SGPP2: variants seen among roughly 807,000 people sequenced by gnomAD.
SGPP2 encodes the protein sphingosine-1-phosphate phosphatase 2, also known as sphingosine 1-phosphate phosphohydrolase 2.
Under a neutral mutation model 33.9 loss-of-function variants are expected in SGPP2, and 30 were observed. The observed-to-expected ratio is 0.89, with a 90% CI of 0.66 to 1.20. SGPP2 has a LOEUF of 1.20. Ranked by LOEUF, SGPP2 falls within the 50% of genes most tolerant of loss-of-function variation. The pLI, the probability that SGPP2 is intolerant of heterozygous loss-of-function variation, is 0.00. For synonymous variants in SGPP2, 233 were observed against 225.0 expected (o/e 1.04, Z -0.32); for missense variants, 458 against 532.1 (o/e 0.86, Z 1.37).
intron 4 of SGPP2, among the ~76,000 whole-genome samples, chr2:222,554,642 C>T (rs947998303): frequency 5.3e-5 from 8 of 152,124 alleles, no homozygotes; most frequent in African/African-American, 1.9e-4. Flanking sequence ...GTTTCATTAA[C>T]AGAACGTTAA....
Position 222,561,971 on chromosome 2 carries a change from C to G in SGPP2, c.*3073C>G, listed in dbSNP as rs2106163900. On this transcript the variant is annotated 3_prime_UTR_variant, in exon 5 of 5. Coordinates refer to ENST00000321276, the MANE Select transcript of SGPP2 (RefSeq NM_152386.4). Reference sequence around the variant, plus strand: ...GCCCCTTCAAAGGGTATGGTTCAGGCTCCTTTCAAGACATTTGGAGTTTCT... The same window carrying G: ...GCCCCTTCAAAGGGTATGGTTCAGGGTCCTTTCAAGACATTTGGAGTTTCT... 6.6e-6 allele frequency among the ~76,000 whole-genome samples: 1 copy of G among 152,322 alleles called. No individual in the cohort carries two copies. Among genetic ancestry groups the G allele is most frequent in the South Asian group, 2.1e-4 (1 of 4,826 alleles).
chr2:222,474,303 A>G (rs1027087665), intron 1 of SGPP2, among the ~76,000 whole-genome samples: 8 of 152,156 alleles, frequency 5.3e-5, no homozygotes, highest in Non-Finnish European at 1.2e-4. Flanking sequence ...ACAAGAAAAA[A>G]GTTTTTGGCT....
At chr2:222,555,445 GTTT>G (rs57228014) in intron 4 of SGPP2, among the ~76,000 whole-genome samples, 20,638 of 86,058 alleles carry the variant, frequency 0.24, 1,863 homozygotes, top group East Asian at 0.53. Flanking sequence ...TCTTTTATCC[GTTT>G]TTTTTTTTTT....
chr2:222,523,877 T>C (rs1174736893), intron 3 of SGPP2, among the ~76,000 whole-genome samples: 1 of 152,214 alleles, frequency 6.6e-6, no homozygotes, highest in Non-Finnish European at 1.5e-5. Context: ...AATTAAAATC[T>C]GAGACTTAGT....
chr2:222,511,102 G>GT (rs1460567535), intron 2 of SGPP2, among the ~76,000 whole-genome samples: 2 of 152,128 alleles, frequency 1.3e-5, no homozygotes, highest in Admixed American at 1.3e-4. Context: ...ATTTTTTACT[G>GT]TAATAACCAG....
intron 1 of SGPP2, among the ~76,000 whole-genome samples, chr2:222,448,189 C>G (rs1042787603): frequency 6.6e-6 from 1 of 152,116 alleles, no homozygotes; most frequent in African/African-American, 2.4e-5. Flanking sequence ...TCATGGGACT[C>G]GGTGAGAAGA....
chr2:222,458,205 T>G (rs1180609447), intron 1 of SGPP2, among the ~76,000 whole-genome samples: 1 of 147,514 alleles, frequency 6.8e-6, no homozygotes, highest in Non-Finnish European at 1.5e-5. Flanking sequence ...AGTGCCACCA[T>G]GCCTAGCTAT....
intron 4 of SGPP2, among the ~76,000 whole-genome samples, chr2:222,536,905 C>A (rs1698923986): frequency 6.6e-6 from 1 of 152,074 alleles, no homozygotes; most frequent in African/African-American, 2.4e-5. Context: ...ACTATAATTC[C>A]TTAGCTAACC....
At chr2:222,528,805 C>G (rs948407568) in intron 4 of SGPP2, among the ~76,000 whole-genome samples, 17 of 152,106 alleles carry the variant, frequency 1.1e-4, no homozygotes, top group African/African-American at 3.9e-4. Flanking sequence ...TTATTAGAGA[C>G]AGTGTCTCAC....
intron 4 of SGPP2, among the ~76,000 whole-genome samples, chr2:222,544,936 A>G (rs2106151340): frequency 6.6e-6 from 1 of 152,324 alleles, no homozygotes; most frequent in South Asian, 2.1e-4. Flanking sequence ...TTATAAAATA[A>G]TAAAGCTATT....
chr2:222,502,246 C>A (rs970941405), intron 2 of SGPP2, among the ~76,000 whole-genome samples: 1 of 152,142 alleles, frequency 6.6e-6, no homozygotes, highest in Non-Finnish European at 1.5e-5. Flanking sequence ...TAGATTTAAA[C>A]CATATCCCCT....
chr2:222,545,172 A>G (rs1049123563), intron 4 of SGPP2, among the ~76,000 whole-genome samples: 5 of 152,082 alleles, frequency 3.3e-5, no homozygotes, highest in Non-Finnish European at 7.4e-5. Flanking sequence ...ACTTGCATTT[A>G]TTATGATTTC....
At position 222,477,519 on chromosome 2, in the gene SGPP2, CTGTGTATATATGTGTATT is replaced by C. The variant is rs2106099274; in HGVS notation, c.378+2799_378+2816del. 6.6e-6 allele frequency among the ~76,000 whole-genome samples: 1 copy of C among 150,432 alleles called. No individual in the cohort carries two copies. The highest frequency in any genetic ancestry group is 2.4e-5 in the African/African-American group (1 of 40,852). ...TATATGTTTATGTGTATATATATGT[CTGTGTATATATGTGTATT>C]TGTGTTTATAGGTGTGTATATATGT... is the stretch of plus-strand genomic sequence containing the variant. On this transcript the variant is annotated intron_variant, in intron 2 of 4. Transcript: ENST00000321276. This position sits in a 1 kb window ranked among gnomAD's most constrained non-coding sequence, Gnocchi z 6.0.
At chr2:222,543,079 A>G (rs1422462569) in intron 4 of SGPP2, among the ~76,000 whole-genome samples, 1 of 152,158 alleles carries the variant, frequency 6.6e-6, no homozygotes, top group African/African-American at 2.4e-5. Flanking sequence ...CTTCATTTTA[A>G]TGTAGTCCAG....
rs1379588066 is a variant in SGPP2 at position 222,453,252 on chromosome 2, C to T, written c.220-21316C>T. 2.5e-5 allele frequency: 19 copies of T among 761,730 alleles called. No individual in the cohort carries two copies. In the East Asian group the frequency reaches 4.2e-4, roughly 17 times the overall value. The allele number at this position is 761,730 out of a possible 1,614,324, so 47.2% of individuals were successfully genotyped here. ...GGTGAAGATTCTTTACAATCAGATG[C>T]TTTGAAGCCAGGCAGGTTTGGGGAC... On this transcript the variant is annotated intron_variant, in intron 1 of 4. Coordinates refer to ENST00000321276, the MANE Select transcript of SGPP2 (RefSeq NM_152386.4).
chr2:222,548,001 G>T (rs1689231678), intron 4 of SGPP2, among the ~76,000 whole-genome samples: 1 of 152,128 alleles, frequency 6.6e-6, no homozygotes, highest in Admixed American at 6.5e-5. Flanking sequence ...AGATTTCTGG[G>T]TTATATACAA....
chr2:222,539,030 G>A (rs1698955512), intron 4 of SGPP2, among the ~76,000 whole-genome samples: 1 of 152,092 alleles, frequency 6.6e-6, no homozygotes. Flanking sequence ...AATCATGACT[G>A]TCCAACAGTC....
chr2:222,531,366 C>T (rs552998648), intron 4 of SGPP2, among the ~76,000 whole-genome samples: 1 of 152,254 alleles, frequency 6.6e-6, no homozygotes, highest in South Asian at 2.1e-4. Flanking sequence ...AATTCTGACA[C>T]CTGCTACAAC....
chr2:222,558,505 C>T lies in SGPP2; in HGVS notation c.807C>T (p.Tyr269=), dbSNP rs1248437940. ...FLCYNYPVSD[Y]YSPTRADTTT... ...GTTACAATTACCCTGTTTCTGATTA[C>T]TACAGCCCAACCCGGGCGGACACCA... Residue 269 remains tyrosine, a synonymous_variant, in exon 5 of 5, where the codon TAC becomes TAT. Coordinates refer to ENST00000321276, the MANE Select transcript of SGPP2 (RefSeq NM_152386.4). 2 of 1,614,206 alleles carry T rather than the reference C, an allele frequency of 1.2e-6. No individual in the cohort carries two copies. The highest frequency in any genetic ancestry group is 8.5e-7 in the Non-Finnish European group (1 of 1,180,030).
Sources: allele counts gnomAD v4.1 joint callset (sites outside exome capture counted in the v4.1 genomes callset), GRCh38; gene constraint gnomAD v4.1.1; non-coding constraint Gnocchi (gnomAD v3.1); transcripts MANE v1.5; gene names NCBI Gene and HGNC (gene_info 2026-07-23, HGNC 2026-07-21).